Variants in IL31RA observed in about 807,000 individuals in gnomAD.
The protein encoded by IL31RA is interleukin 31 receptor A.
A neutral mutation model predicts 83.7 loss-of-function variants in IL31RA; 66 were observed. The observed-to-expected ratio is 0.79, with a 90% CI of 0.65 to 0.97. The LOEUF is 0.97. Ranked by LOEUF, IL31RA falls within the 50% of genes least tolerant of loss-of-function variation. IL31RA has a pLI of 0.00. For missense variants in IL31RA, 798 were observed against 919.4 expected, an observed-to-expected ratio of 0.87 and a Z score of 1.71; for synonymous variants, 325 against 329.0, an observed-to-expected ratio of 0.99 and a Z score of 0.13.
chr5:55,867,197 G>GCA (rs1554085248), intron 2 of IL31RA, among the ~76,000 whole-genome samples: 3 of 18,508 alleles, frequency 1.6e-4, no homozygotes, highest in Non-Finnish European at 3.0e-4. Flanking sequence ...GTTTGTGTGT[G>GCA]TTTGTGTGTG....
rs187205613 is a variant in IL31RA at position 55,864,096 on chromosome 5, G to T, written c.154+4497G>T. Among the ~76,000 whole-genome samples, 538 of 152,152 alleles carry T rather than the reference G, an allele frequency of 3.5e-3. 2 individuals are homozygous for T. The highest frequency in any genetic ancestry group is 6.0e-3 in the Non-Finnish European group (407 of 67,980). On this transcript the variant is annotated intron_variant, in intron 2 of 14. Transcript: ENST00000652347. Reference sequence around the variant, plus strand: ...GGAGGCCGTAATGAGAATAATATAAGACTAAGACTATTCTGGGGAAATGGG... The same window carrying T: ...GGAGGCCGTAATGAGAATAATATAATACTAAGACTATTCTGGGGAAATGGG...
chr5:55,887,593 T>A (rs1256502049), intron 5 of IL31RA, among the ~76,000 whole-genome samples: 2 of 150,856 alleles, frequency 1.3e-5, no homozygotes, highest in Non-Finnish European at 3.0e-5. Flanking sequence ...TACAAAAAAA[T>A]TAGCCGGGAA....
At chr5:55,915,168 C>T (rs1273085728) in intron 14 of IL31RA, among the ~76,000 whole-genome samples, 1 of 152,182 alleles carries the variant, frequency 6.6e-6, no homozygotes, top group East Asian at 1.9e-4. Flanking sequence ...CCAGTGCGTT[C>T]CCAGGTGGAA....
At chr5:55,849,370 A>T (rs181254469), upstream of IL31RA, among the ~76,000 whole-genome samples, 184 of 152,250 alleles carry the variant, frequency 1.2e-3, no homozygotes, top group African/African-American at 4.1e-3. Context: ...ACACAAACAC[A>T]CACATATGTG....
In IL31RA at chr5:55,922,421, A is replaced by G; in HGVS notation, c.*5301A>G. The G allele has an allele frequency of 1.9e-6, 3 of 1,550,878 alleles. No individual in the cohort carries two copies. Among genetic ancestry groups the G allele is most frequent in the Non-Finnish European group, 2.6e-6 (3 of 1,146,768 alleles). ...GACTAGAATTCTGTCTTCCTGCCCAACTTCAATATAAGTGTGGACTAAAAT... is the reference window on the plus strand; with the variant it reads ...GACTAGAATTCTGTCTTCCTGCCCAGCTTCAATATAAGTGTGGACTAAAAT... On this transcript the variant is annotated 3_prime_UTR_variant, in exon 15 of 15. Transcript: ENST00000652347.
In IL31RA at chr5:55,859,748, G is replaced by A. The variant is rs145622232; in HGVS notation, c.154+149G>A. 2.0e-4 allele frequency: 142 copies of A among 713,704 alleles called. 1 individual carries two copies. The East Asian group carries it at 3.7e-3, about 19-fold the overall frequency. The allele number at this position is 713,704 out of a possible 1,614,324, so 44.2% of individuals were successfully genotyped here. A position where few individuals can be genotyped will look rare whatever the true frequency, so the allele number is the denominator to read the frequency against. ...ACACCCTGAATTTGTGTGTGTGTCT[G>A]TGTGTGCACACATGCATGCAATTTC... is the stretch of plus-strand genomic sequence containing the variant. On this transcript the variant is annotated intron_variant, in intron 2 of 14. Coordinates refer to ENST00000652347, the MANE Select transcript of IL31RA (RefSeq NM_139017.7).
At chr5:55,849,655 C>T (rs1745007882), upstream of IL31RA, among the ~76,000 whole-genome samples, 1 of 152,030 alleles carries the variant, frequency 6.6e-6, no homozygotes, top group African/African-American at 2.4e-5. Context: ...CCATTGGGTC[C>T]CCTCCATGTA....
intron 6 of IL31RA, among the ~76,000 whole-genome samples, chr5:55,890,451 C>T (rs549886782): frequency 6.6e-6 from 1 of 152,286 alleles, no homozygotes; most frequent in East Asian, 1.9e-4. Context: ...CTCACTGCCA[C>T]CACCACCTCC....
chr5:55,842,268 G>A, the IL31RA span, among the ~76,000 whole-genome samples: 2 of 152,186 alleles, frequency 1.3e-5, no homozygotes, highest in Non-Finnish European at 2.9e-5. Flanking sequence ...AATCCAGGAT[G>A]ATCACATTTC....
At chr5:55,898,080 T>C (rs920950353) in intron 7 of IL31RA, among the ~76,000 whole-genome samples, 2 of 152,160 alleles carry the variant, frequency 1.3e-5, no homozygotes, top group Non-Finnish European at 2.9e-5. Context: ...TGGCGGGGAA[T>C]CCTAGAGAAT....
At position 55,918,290 on chromosome 5, in the gene IL31RA, C is replaced by T. The variant is rs1046998772; in HGVS notation, c.*1170C>T. ...TGCAGTGAACCCAGCACTTGCCAGCCAGGAAGGCTGATGGTATTTTTTCTA... is the reference window on the plus strand; with the variant it reads ...TGCAGTGAACCCAGCACTTGCCAGCTAGGAAGGCTGATGGTATTTTTTCTA... On this transcript the variant is annotated 3_prime_UTR_variant, in exon 15 of 15. Transcript: ENST00000652347. Among the ~76,000 whole-genome samples, 2 of 152,200 alleles carry T rather than the reference C, an allele frequency of 1.3e-5. No individual in the cohort carries two copies. The highest frequency in any genetic ancestry group is 2.4e-5 in the African/African-American group (1 of 41,446).
upstream of IL31RA, among the ~76,000 whole-genome samples, chr5:55,847,264 T>A (rs1305113982): frequency 6.0e-5 from 8 of 132,326 alleles, no homozygotes; most frequent in African/African-American, 1.7e-4. Flanking sequence ...AATAAATAAA[T>A]AAATAAATAA....
the IL31RA span, among the ~76,000 whole-genome samples, chr5:55,845,838 G>A: frequency 2.6e-5 from 4 of 152,156 alleles, no homozygotes; most frequent in Non-Finnish European, 4.4e-5. Flanking sequence ...TAAGAAGAAC[G>A]AAATGCTCTA....
rs535691783 is a variant in IL31RA, at chr5:55,916,801, G to T, written c.1976G>T (p.Gly659Val). 6.2e-7 allele frequency: 1 copy of T among 1,614,182 alleles called. No homozygotes were observed. Among genetic ancestry groups the T allele is most frequent in the South Asian group, 1.1e-5 (1 of 91,082 alleles). ...QEIFTDEART[G>V]QENNLGGEKN... is the part of the protein sequence containing the mutation. Reference sequence around the variant, plus strand: ...ATTTTCACAGATGAAGCCAGAACGGGTCAGGAAAACAATTTAGGAGGGGAA... The same window carrying T: ...ATTTTCACAGATGAAGCCAGAACGGTTCAGGAAAACAATTTAGGAGGGGAA... The change falls in exon 15 of 15, where the codon GGT becomes GTT. Residue 659 changes from glycine (G) to valine (V), a missense_variant. By Grantham distance (109) the Gly-to-Val change is moderately radical (BLOSUM62 -3). Coordinates refer to ENST00000652347, the MANE Select transcript of IL31RA (RefSeq NM_139017.7).
At chr5:55,878,155 C>T (rs1194410764) in intron 4 of IL31RA, among the ~76,000 whole-genome samples, 1 of 152,130 alleles carries the variant, frequency 6.6e-6, no homozygotes, top group Non-Finnish European at 1.5e-5. Flanking sequence ...CTGTGATTTT[C>T]AACTTCAGAG....
rs1443534705 is a variant in IL31RA, at chr5:55,872,442, G to A, written c.445G>A (p.Glu149Lys). 6.3e-7 allele frequency: 1 copy of A among 1,594,506 alleles called. No individual in the cohort carries two copies. Among genetic ancestry groups the A allele is most frequent in the East Asian group, 2.2e-5 (1 of 44,752 alleles). The change falls in exon 4 of 15, where the codon GAG becomes AAG. Residue 149 changes from glutamate (E) to lysine (K), a missense_variant. Coordinates refer to ENST00000652347, the MANE Select transcript of IL31RA (RefSeq NM_139017.7). ...ATCTCATATGACATACTGGAGATTA[G>A]AGAACATAGGTAAGTGTTATTTGAT... ...IKSHMTYWRL[E>K]NIAKTEPPKI...
At chr5:55,891,761 ATTTTTTTTTTTT>A (rs35672011) in intron 6 of IL31RA, among the ~76,000 whole-genome samples, 629 of 60,056 alleles carry the variant, frequency 0.01, 17 homozygotes, top group African/African-American at 0.04. Context: ...TTTGGACAAG[ATTTTTTTTTTTT>A]TTTTTTTTTT....
At chr5:55,855,316 A>AATATAT (rs33990463) in intron 1 of IL31RA, among the ~76,000 whole-genome samples, 37 of 145,892 alleles carry the variant, frequency 2.5e-4, no homozygotes, top group South Asian at 6.6e-4. Context: ...GATAATTTAA[A>AATATAT]ATATATATAT....
chr5:55,906,169 A>G lies in IL31RA; in HGVS notation c.1133A>G (p.Gln378Arg). 1 of 1,613,970 alleles carries G rather than the reference A, an allele frequency of 6.2e-7. No homozygotes were observed. The highest frequency in any genetic ancestry group is 8.5e-7 in the Non-Finnish European group (1 of 1,180,020). Residue 378 changes from glutamine (Q) to arginine (R), a missense_variant, in exon 9 of 15, where the codon CAA becomes CGA. Transcript: ENST00000652347. ...GAGGACCAGCTAGTGGTGAAGTGGC[A>G]AAGCTCTGCTCTAGACGTGAACACT... ...VAEDQLVVKW[Q>R]SSALDVNTWM...
Sources: allele counts gnomAD v4.1 joint callset (sites outside exome capture counted in the v4.1 genomes callset), GRCh38; gene constraint gnomAD v4.1.1; transcripts MANE v1.5; gene names NCBI Gene and HGNC (gene_info 2026-07-23, HGNC 2026-07-21).